Variants in BAIAP2L1 observed in about 807,000 individuals in gnomAD.
BAIAP2L1 encodes the protein BAR/IMD domain-containing adapter protein 2-like 1.
Under a neutral mutation model 66.3 loss-of-function variants are expected in BAIAP2L1, and 35 were observed. The ratio of observed to expected loss-of-function variants is 0.53; its 90% CI spans 0.40 to 0.70. The LOEUF (loss-of-function observed/expected upper bound fraction) is 0.70. BAIAP2L1 is among the 30% of genes least tolerant of loss of function. The probability of loss-of-function intolerance (pLI) is 0.00; values close to 1 mark genes in which losing one functional copy is unlikely to be tolerated. For missense variants in BAIAP2L1, 622 were observed against 656.9 expected (o/e 0.95, Z 0.58); for synonymous variants, 269 against 248.7 (o/e 1.08, Z -0.77).
At position 98,310,467 on chromosome 7, in the gene BAIAP2L1, T is replaced by G; in HGVS notation, c.933A>C (p.Ser311=). The change falls in exon 9 of 14, where the codon TCA becomes TCC. Residue 311 remains serine (S), a synonymous_variant. Transcript: ENST00000005260. The part of the protein sequence containing the change: ...FNNPATAAPN[S]QRVNNSTGTS... ...TACCTGTTGAATTATTTACCCTTTG[T>G]GAATTCGGGGCAGCCGTGGCTGGGT... The G allele has an allele frequency of 6.2e-7, 1 of 1,600,430 alleles. No homozygotes were observed. Among genetic ancestry groups the G allele is most frequent in the Non-Finnish European group, 8.5e-7 (1 of 1,175,706 alleles).
intron 3 of BAIAP2L1, among the ~76,000 whole-genome samples, chr7:98,351,266 A>G (rs1801993373): frequency 1.3e-5 from 2 of 152,200 alleles, no homozygotes; most frequent in South Asian, 4.1e-4. Flanking sequence ...CGGAAGCACC[A>G]TGTACACCCA....
rs1296708052 is a variant in BAIAP2L1 at position 98,293,307 on chromosome 7, A to G, written c.*214T>C. 1.0e-5 allele frequency: 5 copies of G among 480,640 alleles called. No individual in the cohort carries two copies. Among genetic ancestry groups the G allele is most frequent in the Non-Finnish European group, 1.9e-5 (5 of 267,648 alleles). The allele number at this position is 480,640 out of a possible 1,614,324, so 29.8% of individuals were successfully genotyped here. ...AGGAAGAAAATATTTTAAATGGCTG[A>G]GCTGGTCATTAGACTATTACTCATT... On this transcript the variant is annotated 3_prime_UTR_variant, in exon 14 of 14. Coordinates refer to ENST00000005260, the MANE Select transcript of BAIAP2L1 (RefSeq NM_018842.5).
At position 98,292,913 on chromosome 7, in the gene BAIAP2L1, G is replaced by A. The variant is rs1800030129; in HGVS notation, c.*608C>T. 1.4e-6 allele frequency: 2 copies of A among 1,406,086 alleles called. No homozygotes were observed. The allele number at this position is 1,406,086 out of a possible 1,614,324, so 87.1% of individuals were successfully genotyped here. ...GAGTGCTACGTGTGGCTGTGATAAGGGCAGGCAAAGCGTCTTAGCACTCTA... is the reference window on the plus strand; with the variant it reads ...GAGTGCTACGTGTGGCTGTGATAAGAGCAGGCAAAGCGTCTTAGCACTCTA... On this transcript the variant is annotated 3_prime_UTR_variant, in exon 14 of 14. Coordinates refer to ENST00000005260, the MANE Select transcript of BAIAP2L1 (RefSeq NM_018842.5).
At chr7:98,340,791 A>G (rs1165872904) in intron 3 of BAIAP2L1, among the ~76,000 whole-genome samples, 3 of 126,146 alleles carry the variant, frequency 2.4e-5, no homozygotes, top group African/African-American at 5.5e-5. Context: ...ATGCTCTTAC[A>G]GGTTTTTTTT....
intron 3 of BAIAP2L1, among the ~76,000 whole-genome samples, chr7:98,347,145 T>C (rs575608252): frequency 4.0e-4 from 59 of 147,244 alleles, no homozygotes; most frequent in African/African-American, 1.4e-3. Flanking sequence ...TGCTAAAGCA[T>C]AGAAAAGATG....
At position 98,320,242 on chromosome 7, in the gene BAIAP2L1, C is replaced by A; in HGVS notation, c.271G>T (p.Glu91Ter). Reference sequence around the variant, plus strand: ...TAGAAACACAGATCACGTACATTTTCATCAAGACTCTCGTTGAGTTTCTTG... The same window carrying A: ...TAGAAACACAGATCACGTACATTTTAATCAAGACTCTCGTTGAGTTTCTTG... ...THKKLNESLD[E>*]NFKKFHKEII... Residue 91 changes from glutamate (E) to a stop codon, truncating the protein, a stop_gained, in exon 4 of 14, where the codon GAA becomes TAA. Coordinates refer to ENST00000005260, the MANE Select transcript of BAIAP2L1 (RefSeq NM_018842.5). LOFTEE classifies it high-confidence loss of function. 1 of 1,608,880 alleles carries A rather than the reference C, an allele frequency of 6.2e-7. No individual in the cohort carries two copies. The highest frequency in any genetic ancestry group is 8.5e-7 in the Non-Finnish European group (1 of 1,176,250).
chr7:98,320,626 C>T (rs745889092), intron 3 of BAIAP2L1, among the ~76,000 whole-genome samples: 5 of 151,768 alleles, frequency 3.3e-5, no homozygotes, highest in Admixed American at 6.6e-5. Flanking sequence ...TGAGCCGCCG[C>T]GCCAGGCCCA....
intron 3 of BAIAP2L1, among the ~76,000 whole-genome samples, chr7:98,352,127 T>C (rs917007787): frequency 6.6e-6 from 1 of 151,744 alleles, no homozygotes; most frequent in African/African-American, 2.4e-5. Flanking sequence ...ATACAGGGAA[T>C]TTAAACAGAT....
intron 1 of BAIAP2L1, among the ~76,000 whole-genome samples, chr7:98,381,868 C>T (rs1173584867): frequency 6.6e-6 from 1 of 151,772 alleles, no homozygotes; most frequent in Non-Finnish European, 1.5e-5. Flanking sequence ...AAGTATCAAG[C>T]CCGTTAAGAA....
intron 11 of BAIAP2L1, 34 bp downstream of exon 11, chr7:98,306,405 G>A: frequency 6.2e-7 from 1 of 1,611,960 alleles, no homozygotes. Flanking sequence ...AGGGGTTTCT[G>A]TCACCGGGAG....
In BAIAP2L1 at chr7:98,307,865, T is replaced by C. The variant is rs1158022748; in HGVS notation, c.987A>G (p.Ser329=). ...TGTTCAGTCCCGTTGCAACCGAAAC[T>C]GATCGCTGTAAACTGGGATCTTCGG... The part of the protein sequence containing the change: ...GTSEDPSLQR[S]VSVATGLNMM... The change falls in exon 10 of 14, where the codon TCA becomes TCG. Residue 329 remains serine, a synonymous_variant. Coordinates refer to ENST00000005260, the MANE Select transcript of BAIAP2L1 (RefSeq NM_018842.5). The C allele has an allele frequency of 1.9e-6, 3 of 1,614,268 alleles. No individual in the cohort carries two copies. The highest frequency in any genetic ancestry group is 1.7e-5 in the Admixed American group (1 of 60,026).
intron 1 of BAIAP2L1, among the ~76,000 whole-genome samples, chr7:98,398,581 T>C (rs989158303): frequency 6.6e-6 from 1 of 152,118 alleles, no homozygotes; most frequent in African/African-American, 2.4e-5. Flanking sequence ...AATGGAAAAC[T>C]ATCAGGTACT....
intron 1 of BAIAP2L1, among the ~76,000 whole-genome samples, chr7:98,389,844 T>G (rs1490226017): frequency 6.6e-6 from 1 of 152,076 alleles, no homozygotes; most frequent in Non-Finnish European, 1.5e-5. Context: ...AAGGCAGTTT[T>G]AAGAACTGGA....
rs146123865 is a variant in BAIAP2L1, at chr7:98,306,793, G to A, written c.1164-277C>T. Reference sequence around the variant, plus strand: ...TGCGATCATAGCTCACAGCAGCCTCGAACTCATGGGCTCAAGCAATCCCCC... The same window carrying A: ...TGCGATCATAGCTCACAGCAGCCTCAAACTCATGGGCTCAAGCAATCCCCC... On this transcript the variant is annotated intron_variant, in intron 10 of 13. Coordinates refer to ENST00000005260, the MANE Select transcript of BAIAP2L1 (RefSeq NM_018842.5). 3.2e-3 allele frequency: 1,355 copies of A among 427,364 alleles called. 13 individuals carry two copies. Among genetic ancestry groups the A allele is most frequent in the African/African-American group, 0.025 (1,247 of 49,640 alleles). The allele number at this position is 427,364 out of a possible 1,614,324, so 26.5% of individuals were successfully genotyped here.
chr7:98,322,276 G>C (rs1321051665), intron 3 of BAIAP2L1, among the ~76,000 whole-genome samples: 1 of 152,146 alleles, frequency 6.6e-6, no homozygotes, highest in Non-Finnish European at 1.5e-5. Flanking sequence ...GAAGACATCT[G>C]AGTCTGACAC....
intron 1 of BAIAP2L1, among the ~76,000 whole-genome samples, chr7:98,366,681 G>C (rs1417838301): frequency 6.6e-6 from 1 of 152,084 alleles, no homozygotes; most frequent in Non-Finnish European, 1.5e-5. Context: ...CCTCTCCCAT[G>C]CCTGCCTGGA....
In BAIAP2L1 at chr7:98,317,211, A is replaced by C; in HGVS notation, c.486+8T>G. 1 of 1,614,108 alleles carries C rather than the reference A, an allele frequency of 6.2e-7. No individual in the cohort carries two copies. The highest frequency in any genetic ancestry group is 8.5e-7 in the Non-Finnish European group (1 of 1,180,016). ...CAAAAGAAAACAAGATATTGTTGAA[A>C]AGCTCACCTCAATTTCTTTGTGTTC... On this transcript the variant is annotated splice_region_variant and intron_variant, in intron 6 of 13. Coordinates refer to ENST00000005260, the MANE Select transcript of BAIAP2L1 (RefSeq NM_018842.5).
intron 2 of BAIAP2L1, among the ~76,000 whole-genome samples, chr7:98,359,271 G>A (rs1024471099): frequency 6.7e-6 from 1 of 149,568 alleles, no homozygotes; most frequent in Non-Finnish European, 1.5e-5. Flanking sequence ...CTTACTTGCT[G>A]TCTTTTTTTT....
At chr7:98,338,056 T>C (rs1801653120) in intron 3 of BAIAP2L1, among the ~76,000 whole-genome samples, 1 of 152,206 alleles carries the variant, frequency 6.6e-6, no homozygotes, top group Non-Finnish European at 1.5e-5. Context: ...TATACAAAAG[T>C]TTACCAAGGG....
Sources: allele counts gnomAD v4.1 joint callset (sites outside exome capture counted in the v4.1 genomes callset), GRCh38; gene constraint gnomAD v4.1.1; transcripts MANE v1.5; gene names NCBI Gene and HGNC (gene_info 2026-07-23, HGNC 2026-07-21).